SPI1: variants seen among roughly 807,000 people sequenced by gnomAD.
SPI1 encodes Spi-1 proto-oncogene.
SPI1 carries 3 observed loss-of-function variants against 30.7 expected under a neutral mutation model. The observed-to-expected ratio is 0.10, with a 90% CI of 0.04 to 0.25. The LOEUF is 0.25. SPI1 is among the 10% of genes least tolerant of loss of function. The probability of loss-of-function intolerance (pLI) is 1.00; values close to 1 mark genes in which losing one functional copy is unlikely to be tolerated. For missense variants in SPI1, 261 were observed against 371.5 expected (o/e 0.70, Z 2.45); for synonymous variants, 169 against 157.1 (o/e 1.08, Z -0.56).
intron 2 of SPI1, among the ~76,000 whole-genome samples, chr11:47,361,098 G>GCGA (rs2095920117): frequency 6.6e-6 from 1 of 152,096 alleles, no homozygotes; most frequent in Non-Finnish European, 1.5e-5. Context: ...TCCAGCCTGG[G>GCGA]CGACGGAGCG....
At chr11:47,378,100 C>T (rs530025208) in intron 1 of SPI1, among the ~76,000 whole-genome samples, 4 of 152,276 alleles carry the variant, frequency 2.6e-5, no homozygotes, top group African/African-American at 7.2e-5. Flanking sequence ...ACAGCCCCAC[C>T]GTGGGCCTGG....
intron 2 of SPI1, among the ~76,000 whole-genome samples, chr11:47,373,037 G>A (rs1482146309): frequency 1.3e-5 from 2 of 152,126 alleles, no homozygotes; most frequent in African/African-American, 2.4e-5. Flanking sequence ...GTCTTCAGAC[G>A]ATACCTTCCA....
At chr11:47,371,916 C>T (rs2095936458) in intron 2 of SPI1, among the ~76,000 whole-genome samples, 1 of 152,110 alleles carries the variant, frequency 6.6e-6, no homozygotes. Context: ...AGGGTCCTTT[C>T]TGCTTTTGCA....
At chr11:47,358,607 CAGAG>C (rs1035550641) in intron 4 of SPI1, 5 of 704,666 alleles carry the variant, frequency 7.1e-6, no homozygotes, top group Middle Eastern at 2.3e-4. Context: ...ACTCATGGCA[CAGAG>C]AGACACACAC....
intron 2 of SPI1, among the ~76,000 whole-genome samples, chr11:47,369,488 C>T (rs10769258): frequency 0.69 from 103,507 of 149,736 alleles, 35,935 homozygotes; most frequent in African/African-American, 0.77. Context: ...AAAAAGCTTA[C>T]TCAGTTGAAT....
intron 4 of SPI1, chr11:47,358,352 A>C: frequency 1.7e-6 from 1 of 590,074 alleles, no homozygotes. Flanking sequence ...CCCTGCTCAC[A>C]CAGGCACACC....
intron 2 of SPI1, among the ~76,000 whole-genome samples, chr11:47,361,129 A>AAAAAAAG (rs1446175272): frequency 6.6e-6 from 1 of 152,176 alleles, no homozygotes; most frequent in Non-Finnish European, 1.5e-5. Flanking sequence ...TCAAAAAGAA[A>AAAAAAAG]AAAAAAGAAA....
chr11:47,356,219 TCA>T (rs879829503), intron 4 of SPI1, among the ~76,000 whole-genome samples: 66 of 144,178 alleles, frequency 4.6e-4, no homozygotes, highest in Non-Finnish European at 5.9e-4. Context: ...ACACACATGC[TCA>T]CACACTCATT....
At chr11:47,371,577 G>T (rs1473603528) in intron 2 of SPI1, among the ~76,000 whole-genome samples, 2 of 148,452 alleles carry the variant, frequency 1.3e-5, no homozygotes, top group African/African-American at 2.5e-5. Flanking sequence ...TGAGGTAGGA[G>T]AATCGCTTGA....
At chr11:47,378,013 G>A (rs1430117299) in intron 1 of SPI1, among the ~76,000 whole-genome samples, 1 of 152,046 alleles carries the variant, frequency 6.6e-6, no homozygotes, top group Non-Finnish European at 1.5e-5. Context: ...CCTCAGCCCA[G>A]CACCCTCCCC....
At position 47,359,080 on chromosome 11, in the gene SPI1, G is replaced by A; in HGVS notation, c.331-74C>T. On this transcript the variant is annotated intron_variant, in intron 3 of 4. Coordinates refer to ENST00000378538, the MANE Select transcript of SPI1 (RefSeq NM_003120.3). The surrounding 1 kb of genome is among the most constrained non-coding windows in gnomAD (Gnocchi z 5.1). ...CTCAGGGGGGCTGGGAGGGAGGTCA[G>A]CTGGGGAGAGAAGGAGTGCAGAGGG... 7.1e-7 allele frequency: 1 copy of A among 1,401,520 alleles called. No homozygotes were observed. Among genetic ancestry groups the A allele is most frequent in the Non-Finnish European group, 9.6e-7 (1 of 1,043,374 alleles). 86.8% of individuals were successfully genotyped at this position (1,401,520 alleles called of 1,614,324 possible).
At chr11:47,376,481 C>T (rs531223067) in intron 1 of SPI1, among the ~76,000 whole-genome samples, 10 of 152,200 alleles carry the variant, frequency 6.6e-5, no homozygotes, top group South Asian at 6.2e-4. Context: ...ACTTAGGGGC[C>T]GAGCGCATGG....
In SPI1 at chr11:47,375,675, C is replaced by T. The variant is rs2095941337; in HGVS notation, c.100G>A (p.Glu34Lys). 5.6e-6 allele frequency: 9 copies of T among 1,613,990 alleles called. No homozygotes were observed. The highest frequency in any genetic ancestry group is 2.2e-5 in the East Asian group (1 of 44,886). ...DTDLYQRQTHEYYPYLSSDGE... is the reference protein window; with the variant it reads ...DTDLYQRQTHKYYPYLSSDGE... Reference sequence around the variant, plus strand: ...TCACTGCTGAGATAGGGGTAATACTCGTGCGTTTGGCGTTGGTATAGATCC... The same window carrying T: ...TCACTGCTGAGATAGGGGTAATACTTGTGCGTTTGGCGTTGGTATAGATCC... Residue 34 changes from glutamate (E) to lysine (K), a missense_variant, in exon 2 of 5, where the codon GAG becomes AAG. Around this residue, in one of 5 missense-constraint regions of SPI1, gnomAD observed 78 missense variants for 93.2 expected, o/e 0.84. Transcript: ENST00000378538. This position sits in a 1 kb window ranked among gnomAD's most constrained non-coding sequence, Gnocchi z 4.2.
At chr11:47,370,033 G>A (rs531256149) in intron 2 of SPI1, among the ~76,000 whole-genome samples, 1 of 152,356 alleles carries the variant, frequency 6.6e-6, no homozygotes, top group South Asian at 2.1e-4. Flanking sequence ...GATAGCAATG[G>A]AGGAGATGGG....
chr11:47,355,622 A>T, intron 4 of SPI1, 76 bp from the exon 5 acceptor site: 3 of 1,251,270 alleles, frequency 2.4e-6, no homozygotes, highest in Non-Finnish European at 2.2e-6. Flanking sequence ...GCGTACGCAC[A>T]GGGGCCCGGG....
chr11:47,355,585 C>A lies in SPI1; in HGVS notation c.494-39G>T, dbSNP rs779694686. 4.6e-6 allele frequency: 7 copies of A among 1,514,530 alleles called. No individual in the cohort carries two copies. In the Admixed American group the frequency reaches 6.1e-5, roughly 13 times the overall value. The allele number at this position is 1,514,530 out of a possible 1,614,324, so 93.8% of individuals were successfully genotyped here. A position where few individuals can be genotyped will look rare whatever the true frequency, so the allele number is the denominator to read the frequency against. On this transcript the variant is annotated intron_variant, in intron 4 of 4. Transcript: ENST00000378538. ...GGCCCGGTGGGAGGGGGCCCGGGGC[C>A]CACATGGGAGCCGCCCCCACCGCCT...
At chr11:47,369,857 C>T (rs946254803) in intron 2 of SPI1, among the ~76,000 whole-genome samples, 3 of 152,216 alleles carry the variant, frequency 2.0e-5, no homozygotes, top group South Asian at 2.1e-4. Flanking sequence ...TCTTAGGAGA[C>T]GACCATGATA....
chr11:47,370,748 G>A (rs1446628714), intron 2 of SPI1, among the ~76,000 whole-genome samples: 5 of 152,100 alleles, frequency 3.3e-5, no homozygotes, highest in African/African-American at 1.2e-4. Context: ...AGAAAGTACA[G>A]GTAAAGAAAG....
Position 47,378,517 on chromosome 11 carries a change from C to T in SPI1, c.-164G>A. ...GCCCTGGGTGAGCCCCCTCCCTTGA[C>T]ATTGCAGGGCCAGCACAAGTTCCTG... On this transcript the variant is annotated 5_prime_UTR_variant, in exon 1 of 5. It removes an upstream start codon present in the reference 5' UTR. Transcript: ENST00000378538. The T allele has an allele frequency of 1.5e-6, 1 of 658,034 alleles. No homozygotes were observed. The highest frequency in any genetic ancestry group is 4.1e-4 in the Middle Eastern group (1 of 2,434). 40.8% of individuals were successfully genotyped at this position (658,034 alleles called of 1,614,324 possible). A position where few individuals can be genotyped will look rare whatever the true frequency, so the allele number is the denominator to read the frequency against.
Sources: allele counts gnomAD v4.1 joint callset (sites outside exome capture counted in the v4.1 genomes callset), GRCh38; gene constraint gnomAD v4.1.1; regional missense constraint gnomAD v4.1.1; non-coding constraint Gnocchi (gnomAD v3.1); transcripts MANE v1.5; gene names NCBI Gene and HGNC (gene_info 2026-07-23, HGNC 2026-07-21).